The following TWSG1 variants were observed in gnomAD, a reference collection of about 807,000 sequenced individuals.
The protein encoded by TWSG1 is twisted gastrulation protein homolog 1.
In TWSG1, 15 loss-of-function variants were observed where a neutral mutation model predicts 23.0. The observed-to-expected ratio is 0.65, with a 90% CI of 0.44 to 1.00. The LOEUF is 1.00. TWSG1 is among the 50% of genes least tolerant of loss of function. The pLI is 0.00. For synonymous variants in TWSG1, 86 were observed against 92.8 expected, an observed-to-expected ratio of 0.93 and a Z score of 0.42; for missense variants, 242 against 278.7, an observed-to-expected ratio of 0.87 and a Z score of 0.94.
intron 2 of TWSG1, among the ~76,000 whole-genome samples, chr18:9,338,236 A>G (rs1355287809): frequency 9.9e-5 from 15 of 152,226 alleles, no homozygotes; most frequent in Admixed American, 9.8e-4. Context: ...TATTTCTGAC[A>G]TTTTGGTCCT....
At chr18:9,358,034 A>T (rs979305556) in intron 2 of TWSG1, among the ~76,000 whole-genome samples, 2 of 152,232 alleles carry the variant, frequency 1.3e-5, no homozygotes, top group Admixed American at 1.3e-4. Context: ...TTGGAAATAA[A>T]TAAAGCCTAC....
chr18:9,356,989 A>AAG (rs1412957923), intron 2 of TWSG1, among the ~76,000 whole-genome samples: 1 of 151,616 alleles, frequency 6.6e-6, no homozygotes, highest in Non-Finnish European at 1.5e-5. Flanking sequence ...AAAAAAAAAA[A>AAG]AAGACTGTTA....
chr18:9,394,327 C>T (rs559935164), intron 3 of TWSG1, among the ~76,000 whole-genome samples: 61 of 152,266 alleles, frequency 4.0e-4, no homozygotes, highest in Non-Finnish European at 6.3e-4. Context: ...CACATGCTCT[C>T]GTTCTCACTC....
chr18:9,348,786 G>T (rs1188496060), intron 2 of TWSG1, among the ~76,000 whole-genome samples: 1 of 152,212 alleles, frequency 6.6e-6, no homozygotes. Context: ...CTTGTAGAGA[G>T]AATTTAGGTT....
At chr18:9,369,716 C>G (rs891142642) in intron 3 of TWSG1, among the ~76,000 whole-genome samples, 3 of 151,986 alleles carry the variant, frequency 2.0e-5, no homozygotes, top group African/African-American at 7.2e-5. Flanking sequence ...ATTTTTGTAG[C>G]AATGGGATCT....
intron 3 of TWSG1, among the ~76,000 whole-genome samples, chr18:9,368,634 A>G (rs2040590613): frequency 6.6e-6 from 1 of 151,822 alleles, no homozygotes; most frequent in Admixed American, 6.6e-5. Context: ...CCAACATAGT[A>G]AAACACCATC....
In TWSG1 at chr18:9,396,353, G is replaced by C. The variant is rs370039069; in HGVS notation, c.297G>C (p.Pro99=). The C allele has an allele frequency of 3.1e-6, 5 of 1,614,060 alleles. No homozygotes were observed. The South Asian group carries it at 4.4e-5, about 14-fold the overall frequency. The stretch of plus-strand genomic sequence containing the variant: ...GCACAGTGGAGGAGCTGCATGAACC[G>C]ATCCCTTCTCTCTTCCGGGCACTCA... ...SKSTVEELHE[P]IPSLFRALTE... The change falls in exon 4 of 5, where the codon CCG becomes CCC. Residue 99 remains proline, a synonymous_variant. Coordinates refer to ENST00000262120, the MANE Select transcript of TWSG1 (RefSeq NM_020648.6).
At chr18:9,359,424 G>A (rs907492334) in intron 2 of TWSG1, among the ~76,000 whole-genome samples, 2 of 152,184 alleles carry the variant, frequency 1.3e-5, no homozygotes, top group Non-Finnish European at 2.9e-5. Context: ...AATTGACCCT[G>A]TCCTTTGATC....
chr18:9,398,188 A>G (rs1568041644), intron 4 of TWSG1, among the ~76,000 whole-genome samples: 2 of 152,150 alleles, frequency 1.3e-5, no homozygotes, highest in African/African-American at 4.8e-5. Flanking sequence ...ATGGAATGCA[A>G]TAATAATATG....
chr18:9,348,114 A>T (rs1055224306), intron 2 of TWSG1, among the ~76,000 whole-genome samples: 2 of 152,186 alleles, frequency 1.3e-5, no homozygotes, highest in African/African-American at 4.8e-5. Context: ...ACACTTGGGG[A>T]TAAGGAAGGC....
rs183106730 is a variant in TWSG1 at position 9,353,812 on chromosome 18, T to C, written c.124-6160T>C. 1.0e-3 allele frequency among the ~76,000 whole-genome samples: 155 copies of C among 152,280 alleles called. 1 individual carries two copies. Among genetic ancestry groups the C allele is most frequent in the African/African-American group, 3.6e-3 (149 of 41,544 alleles). On this transcript the variant is annotated intron_variant, in intron 2 of 4. Transcript: ENST00000262120. ...CACACTTTCTCTGTGACTTGCAGACTAGGGAAGCAGAAGATATAGTCATTA... is the reference window on the plus strand; with the variant it reads ...CACACTTTCTCTGTGACTTGCAGACCAGGGAAGCAGAAGATATAGTCATTA...
chr18:9,391,372 T>C (rs184292975), intron 3 of TWSG1, among the ~76,000 whole-genome samples: 56 of 152,358 alleles, frequency 3.7e-4, no homozygotes, highest in African/African-American at 1.3e-3. Flanking sequence ...CTCCTGATAA[T>C]GTTGATAGTT....
At chr18:9,399,190 G>T (rs913953904) in intron 4 of TWSG1, among the ~76,000 whole-genome samples, 156 bp from the exon 5 acceptor site, 2 of 152,184 alleles carry the variant, frequency 1.3e-5, no homozygotes, top group African/African-American at 4.8e-5. Context: ...ATTAATAAAT[G>T]AAGATCTTTT....
chr18:9,354,050 ATTCT>A (rs1349291599), intron 2 of TWSG1, among the ~76,000 whole-genome samples: 2 of 152,220 alleles, frequency 1.3e-5, no homozygotes, highest in African/African-American at 4.8e-5. Flanking sequence ...TTATAGGCTT[ATTCT>A]TTCTAAGAGA....
In TWSG1 at chr18:9,384,793, A is replaced by G. The variant is rs557063364; in HGVS notation, c.224-11487A>G. ...CCCGAGTAGCTGGGACTACAGGCAC[A>G]TGCCACCATGCCTGGCTAATTTTTG... On this transcript the variant is annotated intron_variant, in intron 3 of 4. Transcript: ENST00000262120. Among the ~76,000 whole-genome samples the G allele has an allele frequency of 1.4e-4, 21 of 152,008 alleles. No individual in the cohort carries two copies. In the East Asian group the frequency reaches 4.1e-3, roughly 30 times the overall value.
chr18:9,390,575 A>G (rs2040707892), intron 3 of TWSG1, among the ~76,000 whole-genome samples: 1 of 152,176 alleles, frequency 6.6e-6, no homozygotes, highest in Non-Finnish European at 1.5e-5. Flanking sequence ...CTGAGATTAC[A>G]GGCATGAGCC....
chr18:9,391,578 C>T (rs1427728162), intron 3 of TWSG1, among the ~76,000 whole-genome samples: 1 of 152,190 alleles, frequency 6.6e-6, no homozygotes, highest in African/African-American at 2.4e-5. Flanking sequence ...GAGGCACTTC[C>T]TGCTGCCGCA....
chr18:9,368,364 C>T (rs1598828130), intron 3 of TWSG1, among the ~76,000 whole-genome samples: 1 of 152,160 alleles, frequency 6.6e-6, no homozygotes, highest in Non-Finnish European at 1.5e-5. Flanking sequence ...CCATGCCTGG[C>T]TAATTTTTTT....
chr18:9,381,538 ATTATG>A (rs1389750754), intron 3 of TWSG1, among the ~76,000 whole-genome samples: 4 of 152,230 alleles, frequency 2.6e-5, no homozygotes, highest in Non-Finnish European at 4.4e-5. Context: ...AGGTTCAAGT[ATTATG>A]TTAAGTTTTG....
Sources: gnomAD v4.1 joint callset for allele counts (sites outside exome capture counted in the v4.1 genomes callset) on GRCh38, gnomAD v4.1.1 for gene constraint, MANE v1.5 for transcripts, NCBI Gene and HGNC (gene_info 2026-07-23, HGNC 2026-07-21) for gene names.